The following ADCY9 variants were observed in gnomAD, a reference collection of about 807,000 sequenced individuals.
The protein encoded by ADCY9 is adenylate cyclase 9.
A neutral mutation model predicts 101.5 loss-of-function variants in ADCY9; 50 were observed. That is an observed-to-expected ratio of 0.49 (90% CI 0.39 to 0.62). The LOEUF (loss-of-function observed/expected upper bound fraction) is 0.62. Ranked by LOEUF, ADCY9 falls within the 20% of genes least tolerant of loss-of-function variation. The pLI, the probability that ADCY9 is intolerant of heterozygous loss-of-function variation, is 0.00. For synonymous variants in ADCY9, 905 were observed against 769.3 expected (o/e 1.18, Z -2.92); for missense variants, 1,662 against 1,800.4 (o/e 0.92, Z 1.39).
chr16:3,993,009 C>T (rs1470296095), intron 4 of ADCY9, among the ~76,000 whole-genome samples: 4 of 152,072 alleles, frequency 2.6e-5, no homozygotes, highest in Admixed American at 6.6e-5. Flanking sequence ...TTCCTGCCAC[C>T]GGCCCTAACT....
At chr16:4,057,454 C>A (rs987812454) in intron 2 of ADCY9, among the ~76,000 whole-genome samples, 7 of 152,216 alleles carry the variant, frequency 4.6e-5, no homozygotes, top group African/African-American at 7.2e-5. Context: ...CCGCACCCGG[C>A]TGCAGTGACA....
intron 2 of ADCY9, among the ~76,000 whole-genome samples, chr16:4,112,520 G>A (rs942625190): frequency 2.6e-5 from 4 of 151,952 alleles, no homozygotes; most frequent in African/African-American, 7.3e-5. Context: ...ACCTATGCAG[G>A]CCCTACCTCA....
intron 2 of ADCY9, among the ~76,000 whole-genome samples, chr16:4,105,813 T>G (rs540098349): frequency 6.5e-4 from 98 of 151,930 alleles, no homozygotes; most frequent in Non-Finnish European, 1.1e-3. Context: ...CACACTGTAC[T>G]CCAGCCTGGG....
intron 2 of ADCY9, among the ~76,000 whole-genome samples, chr16:4,078,577 AAAC>A (rs1324640450): frequency 0.15 from 20,253 of 139,262 alleles, 1,945 homozygotes; most frequent in Non-Finnish European, 0.21. Context: ...AAAAAAAAGA[AAAC>A]AAAAACATAA....
rs72556388 is a variant in ADCY9, at chr16:3,992,199, C to T, written c.2154G>A (p.Lys718=). The change falls in exon 5 of 11, where the codon AAG becomes AAA. Residue 718 remains lysine (K), a synonymous_variant. Coordinates refer to ENST00000294016, the MANE Select transcript of ADCY9 (RefSeq NM_001116.4). This position sits in a 1 kb window ranked among gnomAD's most constrained non-coding sequence, Gnocchi z 4.2. ...DQSALLPLRF[K]NIREKTDAHF... ...GGGCGTCCGTTTTCTCCCGGATGTT[C>T]TTGAACCTCAGCGGAAGGAGAGCCG... The T allele has an allele frequency of 6.2e-7, 1 of 1,614,220 alleles. No homozygotes were observed. Among genetic ancestry groups the T allele is most frequent in the South Asian group, 1.1e-5 (1 of 91,076 alleles).
chr16:3,966,486 C>T lies in ADCY9; in HGVS notation c.3351G>A (p.Ala1117=), dbSNP rs371159341. The T allele has an allele frequency of 4.2e-5, 67 of 1,613,996 alleles. No individual in the cohort carries two copies. Among genetic ancestry groups the T allele is most frequent in the Middle Eastern group, 1.6e-4 (1 of 6,084 alleles). ...IKTIGATYMA[A]SGLNTAQAQD... The stretch of plus-strand genomic sequence containing the variant: ...GGGCCTGCGCGGTGTTCAGCCCTGA[C>T]GCCGCCATGTACGTGGCTCCGATGG... The change falls in exon 11 of 11, where the codon GCG becomes GCA. Residue 1117 remains alanine, a synonymous_variant. Coordinates refer to ENST00000294016, the MANE Select transcript of ADCY9 (RefSeq NM_001116.4).
chr16:4,033,636 C>T (rs2056571017), intron 2 of ADCY9, among the ~76,000 whole-genome samples: 3 of 152,116 alleles, frequency 2.0e-5, no homozygotes, highest in Admixed American at 2.0e-4. Flanking sequence ...AGGATGGTCT[C>T]AATCTCCTGA....
chr16:4,009,193 G>A (rs932687351), intron 2 of ADCY9, among the ~76,000 whole-genome samples: 3 of 152,180 alleles, frequency 2.0e-5, no homozygotes, highest in African/African-American at 7.2e-5. Context: ...CCAGGTCATA[G>A]CTGAGAATCA....
chr16:4,051,579 C>T (rs2141149666), intron 2 of ADCY9, among the ~76,000 whole-genome samples: 1 of 151,238 alleles, frequency 6.6e-6, no homozygotes, highest in East Asian at 1.9e-4. Context: ...GACATGAACA[C>T]ATCAAAAGAA....
downstream of ADCY9, among the ~76,000 whole-genome samples, chr16:3,961,131 C>G (rs1396154118): frequency 6.6e-6 from 1 of 152,182 alleles, no homozygotes; most frequent in East Asian, 1.9e-4. Context: ...CTCTAAGTCA[C>G]TGGGTGCCCT....
chr16:4,076,933 C>T (rs780635314), intron 2 of ADCY9, among the ~76,000 whole-genome samples: 3 of 151,992 alleles, frequency 2.0e-5, no homozygotes, highest in East Asian at 1.9e-4. Context: ...AAAAATTAGC[C>T]GGGCATGGTG....
chr16:4,023,806 A>T (rs528453745), intron 2 of ADCY9, among the ~76,000 whole-genome samples: 10 of 152,050 alleles, frequency 6.6e-5, no homozygotes, highest in African/African-American at 2.4e-4. Context: ...GCTACTTGGG[A>T]GGCTGAGGCA....
chr16:3,966,534 G>T lies in ADCY9; in HGVS notation c.3303C>A (p.Tyr1101Ter). The stretch of plus-strand genomic sequence containing the variant: ...TGGTCTTGATCTTCTCGATGCTGCT[G>T]TAGTCCGGCTTGCTTAGGAGCTCGT... ...DFDELLSKPDYSSIEKIKTIG... is the reference protein window; with the variant it reads ...DFDELLSKPD Residue 1101 changes from tyrosine to a stop codon, truncating the protein, a stop_gained, in exon 11 of 11, where the codon TAC becomes TAA. Transcript: ENST00000294016. LOFTEE classifies it high-confidence loss of function. 6.2e-7 allele frequency: 1 copy of T among 1,614,212 alleles called. No homozygotes were observed. Among genetic ancestry groups the T allele is most frequent in the Non-Finnish European group, 8.5e-7 (1 of 1,180,048 alleles).
intron 2 of ADCY9, among the ~76,000 whole-genome samples, chr16:4,068,371 C>A (rs1414078510): frequency 6.6e-6 from 1 of 151,676 alleles, no homozygotes; most frequent in Non-Finnish European, 1.5e-5. Context: ...TTCCTCTAAT[C>A]CCACTGTAAA....
chr16:4,079,427 G>T (rs2056888089), intron 2 of ADCY9, among the ~76,000 whole-genome samples: 1 of 152,154 alleles, frequency 6.6e-6, no homozygotes, highest in Admixed American at 6.5e-5. Flanking sequence ...AAATTAGCTG[G>T]GTGTGGTGGC....
Position 3,962,859 on chromosome 16 carries a change from T to C in ADCY9, c.*2916A>G, listed in dbSNP as rs1365433771. 6.6e-6 allele frequency: 1 copy of C among 152,344 alleles called. No homozygotes were observed. Among genetic ancestry groups the C allele is most frequent in the Non-Finnish European group, 1.5e-5 (1 of 68,028 alleles). 9.4% of individuals were successfully genotyped at this position (152,344 alleles called of 1,614,324 possible). A position where few individuals can be genotyped will look rare whatever the true frequency, so the allele number is the denominator to read the frequency against. ...CTCCTTACCTCGAAAATCTAGAAAT[T>C]CAAATGCAGACGTGTCTTTGGAAAC... On this transcript the variant is annotated 3_prime_UTR_variant, in exon 11 of 11. Coordinates refer to ENST00000294016, the MANE Select transcript of ADCY9 (RefSeq NM_001116.4).
At chr16:3,959,781 T>G (rs115275611), downstream of ADCY9, among the ~76,000 whole-genome samples, 960 of 152,346 alleles carry the variant, frequency 6.3e-3, 7 homozygotes, top group African/African-American at 0.022. Context: ...ATCCTAGCAC[T>G]CTGTGAGGCC....
intron 3 of ADCY9, among the ~76,000 whole-genome samples, chr16:4,006,353 C>A (rs2056367377): frequency 6.6e-6 from 1 of 152,192 alleles, no homozygotes; most frequent in African/African-American, 2.4e-5. Context: ...GACCGCGATC[C>A]ACGAGCGGAG....
intron 10 of ADCY9, among the ~76,000 whole-genome samples, chr16:3,972,812 T>A (rs1180339728): frequency 6.6e-6 from 1 of 152,046 alleles, no homozygotes; most frequent in Non-Finnish European, 1.5e-5. Context: ...TCTGGGGTAG[T>A]GGTAATGCTC....
Sources: allele counts gnomAD v4.1 joint callset (sites outside exome capture counted in the v4.1 genomes callset), GRCh38; gene constraint gnomAD v4.1.1; non-coding constraint Gnocchi (gnomAD v3.1); transcripts MANE v1.5; gene names NCBI Gene and HGNC (gene_info 2026-07-23, HGNC 2026-07-21).